Variants in NAA16 observed in about 807,000 individuals in gnomAD.
NAA16 encodes N-alpha-acetyltransferase 16, NatA auxiliary subunit.
Under a neutral mutation model 110.3 loss-of-function variants are expected in NAA16, and 97 were observed. The ratio of observed to expected loss-of-function variants is 0.88; its 90% CI spans 0.75 to 1.04. NAA16 has a LOEUF of 1.04. NAA16 is among the 50% of genes least tolerant of loss of function. NAA16 has a pLI of 0.00. For missense variants in NAA16, 1,017 were observed against 1,005.1 expected (o/e 1.01, Z -0.16); for synonymous variants, 372 against 330.6 (o/e 1.13, Z -1.36).
intron 8 of NAA16, among the ~76,000 whole-genome samples, chr13:41,336,259 G>GGAAT (rs991117536): frequency 5.6e-4 from 85 of 152,022 alleles, no homozygotes; most frequent in Admixed American, 1.1e-3. Flanking sequence ...ACATTATTGT[G>GGAAT]GAATGAATGA....
At chr13:41,362,893 C>A in intron 13 of NAA16, 1 of 1,183,034 alleles carries the variant, frequency 8.5e-7, no homozygotes, top group Non-Finnish European at 1.1e-6. Context: ...ATGTCTGCAC[C>A]GTGGCAGTCA....
At chr13:41,359,670 T>TACACGAATCAGTTCC in intron 12 of NAA16, among the ~76,000 whole-genome samples, 1 of 152,180 alleles carries the variant, frequency 6.6e-6, no homozygotes, top group East Asian at 1.9e-4. Flanking sequence ...TCTGTCACTG[T>TACACGAATCAGTTCC]ACACGAATCA....
chr13:41,353,126 A>AAACAC (rs1424662906), intron 9 of NAA16, among the ~76,000 whole-genome samples: 1 of 151,848 alleles, frequency 6.6e-6, no homozygotes, highest in African/African-American at 2.4e-5. Context: ...AAACAAAACA[A>AAACAC]AACAAAACAA....
chr13:41,311,984 G>T (rs1163269250), intron 1 of NAA16, among the ~76,000 whole-genome samples: 1 of 152,206 alleles, frequency 6.6e-6, no homozygotes, highest in Non-Finnish European at 1.5e-5. Flanking sequence ...TAGGTGTTTT[G>T]CGTTCTGCAT....
intron 9 of NAA16, among the ~76,000 whole-genome samples, chr13:41,337,542 C>A (rs866072871): frequency 9.2e-3 from 1,240 of 134,074 alleles, no homozygotes; most frequent in Admixed American, 9.5e-3. Context: ...GACTCCGTCT[C>A]AAAAAAAAAA....
At chr13:41,345,064 T>C (rs2139454206) in intron 9 of NAA16, among the ~76,000 whole-genome samples, 1 of 152,340 alleles carries the variant, frequency 6.6e-6, no homozygotes, top group Non-Finnish European at 1.5e-5. Flanking sequence ...TCATTCCCTT[T>C]TATGACCATG....
At chr13:41,328,899 T>C in intron 7 of NAA16, 56 bp downstream of exon 7, 3 of 1,399,932 alleles carry the variant, frequency 2.1e-6, no homozygotes, top group Non-Finnish European at 3.0e-6. Flanking sequence ...TATAATAAAA[T>C]GTAAAGTTGT....
intron 12 of NAA16, among the ~76,000 whole-genome samples, chr13:41,360,549 CTG>C (rs1189380192): frequency 6.6e-6 from 1 of 152,186 alleles, no homozygotes; most frequent in African/African-American, 2.4e-5. Context: ...TCACCAAAAT[CTG>C]TGGCTCAGCT....
chr13:41,349,717 C>T (rs1258866657), intron 9 of NAA16, among the ~76,000 whole-genome samples: 1 of 152,050 alleles, frequency 6.6e-6, no homozygotes, highest in Non-Finnish European at 1.5e-5. Context: ...GTAATACCAA[C>T]CCTTGGGGAG....
intron 8 of NAA16, among the ~76,000 whole-genome samples, chr13:41,334,298 A>G (rs1373646237): frequency 6.6e-6 from 1 of 152,226 alleles, no homozygotes; most frequent in Non-Finnish European, 1.5e-5. Context: ...TGAAAATATT[A>G]AGCACTCTAA....
At chr13:41,323,963 AT>A (rs2042017397) in intron 5 of NAA16, among the ~76,000 whole-genome samples, 1 of 152,148 alleles carries the variant, frequency 6.6e-6, no homozygotes, top group Non-Finnish European at 1.5e-5. Flanking sequence ...ACAGATAGGC[AT>A]TCTCTGTAGT....
At chr13:41,327,435 C>A (rs2042122321) in intron 6 of NAA16, among the ~76,000 whole-genome samples, 1 of 143,446 alleles carries the variant, frequency 7.0e-6, no homozygotes, top group Non-Finnish European at 1.5e-5. Flanking sequence ...TCAATATAAT[C>A]CATATGTGAG....
At chr13:41,362,738 C>CTGGA in intron 13 of NAA16, 5 of 1,289,734 alleles carry the variant, frequency 3.9e-6, no homozygotes, top group Non-Finnish European at 5.1e-6. Flanking sequence ...AAGCACTCTC[C>CTGGA]TTCCACATGG....
chr13:41,325,147 G>A (rs1280879948), intron 5 of NAA16, among the ~76,000 whole-genome samples: 1 of 151,726 alleles, frequency 6.6e-6, no homozygotes, highest in Non-Finnish European at 1.5e-5. Flanking sequence ...GTAGAGACGG[G>A]GTTTCACCAT....
At chr13:41,317,809 A>G (rs1432758738) in intron 2 of NAA16, among the ~76,000 whole-genome samples, 1 of 152,224 alleles carries the variant, frequency 6.6e-6, no homozygotes, top group Non-Finnish European at 1.5e-5. Context: ...CATGTTCTGA[A>G]TACCATAGAG....
intron 6 of NAA16, among the ~76,000 whole-genome samples, chr13:41,327,272 ATCTT>A (rs2042118503): frequency 1.3e-5 from 2 of 152,148 alleles, no homozygotes; most frequent in Admixed American, 6.6e-5. Context: ...TCTGGTTTCT[ATCTT>A]GTTCTGTTAC....
chr13:41,311,652 G>A (rs2041571565), intron 1 of NAA16, 70 bp downstream of exon 1: 2 of 1,436,084 alleles, frequency 1.4e-6, no homozygotes, highest in Non-Finnish European at 1.9e-6. Context: ...CAAGCGGTCT[G>A]GCGGCGGCCG....
intron 4 of NAA16, among the ~76,000 whole-genome samples, chr13:41,321,558 A>C (rs931126886): frequency 6.6e-6 from 1 of 152,218 alleles, no homozygotes; most frequent in Non-Finnish European, 1.5e-5. Flanking sequence ...TTGATAAACT[A>C]ATAAGGCTTT....
Position 41,311,303 on chromosome 13 carries a change from A to T in NAA16, c.-226A>T. The T allele has an allele frequency of 3.7e-6, 2 of 545,160 alleles. No individual in the cohort carries two copies. The highest frequency in any genetic ancestry group is 6.4e-6 in the Non-Finnish European group (2 of 312,556). 33.8% of individuals were successfully genotyped at this position (545,160 alleles called of 1,614,324 possible). A position where few individuals can be genotyped will look rare whatever the true frequency, so the allele number is the denominator to read the frequency against. ...GAACCGCCGCCGCCGCCGCTGGCCA[A>T]AAAGCGGAGCCCAGGGGAAGCGTGT... On this transcript the variant is annotated 5_prime_UTR_variant, in exon 1 of 20. Coordinates refer to ENST00000379406, the MANE Select transcript of NAA16 (RefSeq NM_024561.5).
Sources: gnomAD v4.1 joint callset for allele counts (sites outside exome capture counted in the v4.1 genomes callset) on GRCh38, gnomAD v4.1.1 for gene constraint, MANE v1.5 for transcripts, NCBI Gene and HGNC (gene_info 2026-07-23, HGNC 2026-07-21) for gene names.